MASTL: variants seen among roughly 807,000 people sequenced by gnomAD.
MASTL encodes the protein serine/threonine-protein kinase greatwall.
Under a neutral mutation model 82.5 loss-of-function variants are expected in MASTL, and 54 were observed. The ratio of observed to expected loss-of-function variants is 0.65; its 90% CI spans 0.53 to 0.82. MASTL has a LOEUF of 0.82. MASTL is among the 40% of genes least tolerant of loss of function. The pLI is 0.00. For missense variants in MASTL, 950 were observed against 1,047.8 expected (o/e 0.91, Z 1.29); for synonymous variants, 323 against 368.9 (o/e 0.88, Z 1.43).
chr10:27,170,916 G>A lies in MASTL; in HGVS notation c.1957G>A (p.Val653Ile), dbSNP rs764328815. ...LKTLASKRNA[V>I]AFRSFNSHIN... ...AACGTTAGCCTCTAAAAGAAATGCT[G>A]TTGCTTTTCGAAGTTTTAACAGTCA... Residue 653 changes from valine to isoleucine, a missense_variant, in exon 8 of 12, where the codon GTT becomes ATT. Physicochemically the swap from Val to Ile is conservative, Grantham distance 29. Transcript: ENST00000375940. 22 of 1,614,032 alleles carry A rather than the reference G, an allele frequency of 1.4e-5. No homozygotes were observed. Among genetic ancestry groups the A allele is most frequent in the Non-Finnish European group, 1.8e-5 (21 of 1,180,022 alleles).
At chr10:27,172,637 A>G (rs955230787) in intron 8 of MASTL, among the ~76,000 whole-genome samples, 1 of 152,122 alleles carries the variant, frequency 6.6e-6, no homozygotes. Flanking sequence ...CTGGGCAACA[A>G]GAGCGAAACT....
chr10:27,170,672 A>G lies in MASTL; in HGVS notation c.1713A>G (p.Ser571=), dbSNP rs750526252. The stretch of plus-strand genomic sequence containing the variant: ...AAAATATTTCTATGAACTCTGATTC[A>G]TCTTTTCCTGGAATTTCTATAATGG... The part of the protein sequence containing the change: ...ASKNISMNSD[S]SFPGISIMES... Residue 571 remains serine (S), a synonymous_variant, in exon 8 of 12, where the codon TCA becomes TCG. Transcript: ENST00000375940. 8 of 1,611,984 alleles carry G rather than the reference A, an allele frequency of 5.0e-6. No homozygotes were observed. Among genetic ancestry groups the G allele is most frequent in the Admixed American group, 1.7e-5 (1 of 59,626 alleles).
Position 27,167,224 on chromosome 10 carries a change from A to T in MASTL, c.934A>T (p.Ser312Cys). Residue 312 changes from serine to cysteine, a missense_variant, in exon 7 of 12, where the codon AGT becomes TGT. By Grantham distance (112) the Ser-to-Cys change is moderately radical (BLOSUM62 -1). Transcript: ENST00000375940. ...TAGTCAATCCCACACCTTCATATCC[A>T]GTGTGGAATCAGAATGCCACAGCAG... ...ASSQSHTFIS[S>C]VESECHSSPK... The T allele has an allele frequency of 6.2e-7, 1 of 1,613,972 alleles. No homozygotes were observed. Among genetic ancestry groups the T allele is most frequent in the Non-Finnish European group, 8.5e-7 (1 of 1,179,820 alleles).
intron 1 of MASTL, among the ~76,000 whole-genome samples, chr10:27,156,624 C>G (rs184893595): frequency 6.6e-6 from 1 of 152,076 alleles, no homozygotes; most frequent in African/African-American, 2.4e-5. Flanking sequence ...CTCAGCCTCC[C>G]GAGTAGCTGG....
chr10:27,167,487 AT>A (rs1234932244), intron 7 of MASTL, among the ~76,000 whole-genome samples: 1 of 152,154 alleles, frequency 6.6e-6, no homozygotes, highest in African/African-American at 2.4e-5. Flanking sequence ...TTCTTACTTG[AT>A]TATATAATGA....
In MASTL at chr10:27,159,652, T is replaced by A. The variant is rs781776204; in HGVS notation, c.358T>A (p.Ser120Thr). Reference sequence around the variant, plus strand: ...ATATCTTATTGGGGGAGATGTCAAGTCTCTCCTACATATATATGGTTATTT... The same window carrying A: ...ATATCTTATTGGGGGAGATGTCAAGACTCTCCTACATATATATGGTTATTT... ...MEYLIGGDVKSLLHIYGYFDE... is the reference protein window; with the variant it reads ...MEYLIGGDVKTLLHIYGYFDE... Residue 120 changes from serine (S) to threonine (T), a missense_variant, in exon 3 of 12, where the codon TCT becomes ACT. Physicochemically the swap from Ser to Thr is moderately conservative, Grantham distance 58 (BLOSUM62 1). Transcript: ENST00000375940. The surrounding 1 kb of genome is among the most constrained non-coding windows in gnomAD (Gnocchi z 4.0). 1 of 1,555,398 alleles carries A rather than the reference T, an allele frequency of 6.4e-7. No homozygotes were observed. The highest frequency in any genetic ancestry group is 2.2e-5 in the East Asian group (1 of 44,522).
chr10:27,158,833 T>G, intron 2 of MASTL, 147 bp downstream of exon 2: 1 of 805,192 alleles, frequency 1.2e-6, no homozygotes. Context: ...GTTATATTAG[T>G]TAGAGTTCTC....
intron 9 of MASTL, 45 bp downstream of exon 9, chr10:27,173,304 A>T: frequency 1.2e-6 from 2 of 1,610,232 alleles, no homozygotes; most frequent in South Asian, 2.2e-5. Flanking sequence ...ATCTATCACT[A>T]CATTATCTTT....
upstream of MASTL, chr10:27,154,658 T>TCCCC (rs2057295427): frequency 4.4e-6 from 1 of 224,960 alleles, no homozygotes; most frequent in Non-Finnish European, 8.6e-6. Context: ...CAACCTCTGC[T>TCCCC]CCCCGGGTTC....
chr10:27,172,511 A>G (rs942826991), intron 8 of MASTL, among the ~76,000 whole-genome samples: 1 of 152,114 alleles, frequency 6.6e-6, no homozygotes, highest in Non-Finnish European at 1.5e-5. Flanking sequence ...AAAATTAGCC[A>G]GGCATGGTGG....
chr10:27,183,076 G>A (rs926386005), intron 11 of MASTL, among the ~76,000 whole-genome samples: 5 of 152,022 alleles, frequency 3.3e-5, no homozygotes, highest in African/African-American at 9.7e-5. Context: ...CTAATCTTGC[G>A]AGAGAGATGT....
chr10:27,155,621 T>C lies in MASTL; in HGVS notation c.186+9T>C. 1 of 1,614,058 alleles carries C rather than the reference T, an allele frequency of 6.2e-7. No individual in the cohort carries two copies. Among genetic ancestry groups the C allele is most frequent in the Admixed American group, 1.7e-5 (1 of 60,020 alleles). ...AATTGTATGCAGTAAAGGTAGGAAG[T>C]CAACGAGTAGCAAGGAAGGGGTTAG... is the stretch of plus-strand genomic sequence containing the variant. On this transcript the variant is annotated intron_variant, in intron 1 of 11. Transcript: ENST00000375940.
In MASTL at chr10:27,187,526, C is replaced by G. The variant is rs1002615506; in HGVS notation, c.*990C>G. On this transcript the variant is annotated 3_prime_UTR_variant, in exon 12 of 12. Coordinates refer to ENST00000375940, the MANE Select transcript of MASTL (RefSeq NM_001172303.3). ...CGGCACTTTGGGAGGCTGAGGCAGGCAAGTCGCTTGAGGCCTGGAGTTTGA... is the reference window on the plus strand; with the variant it reads ...CGGCACTTTGGGAGGCTGAGGCAGGGAAGTCGCTTGAGGCCTGGAGTTTGA... Among the ~76,000 whole-genome samples, 3 of 152,104 alleles carry G rather than the reference C, an allele frequency of 2.0e-5. No individual in the cohort carries two copies. The highest frequency in any genetic ancestry group is 7.2e-5 in the African/African-American group (3 of 41,428).
intron 5 of MASTL, 37 bp downstream of exon 5, chr10:27,165,207 C>CT: frequency 6.9e-7 from 1 of 1,443,090 alleles, no homozygotes; most frequent in African/African-American, 1.4e-5. Context: ...TGACATACCC[C>CT]TTCATGATCA....
At chr10:27,157,899 G>A (rs759321093) in intron 1 of MASTL, among the ~76,000 whole-genome samples, 10 of 151,682 alleles carry the variant, frequency 6.6e-5, no homozygotes, top group Non-Finnish European at 2.9e-5. Flanking sequence ...GTTACTCCAC[G>A]CCCAGGTGCT....
At chr10:27,155,166 T>C (rs2057307626), upstream of MASTL, 1 of 526,192 alleles carries the variant, frequency 1.9e-6, no homozygotes, top group Admixed American at 3.2e-5. Flanking sequence ...CCAGAACTGT[T>C]TGTGCCTCCT....
rs1452361666 is a variant in MASTL, at chr10:27,186,551, T to C, written c.*15T>C. 6.2e-6 allele frequency: 10 copies of C among 1,611,102 alleles called. No individual in the cohort carries two copies. Among genetic ancestry groups the C allele is most frequent in the Non-Finnish European group, 8.5e-6 (10 of 1,177,222 alleles). On this transcript the variant is annotated 3_prime_UTR_variant, in exon 12 of 12. Transcript: ENST00000375940. ...TTAGTCTGTAGCACAAAAATTTTCC[T>C]TTTAGTCTAGCCTTGTGTTATAGAA...
chr10:27,163,435 A>G lies in MASTL; in HGVS notation c.554-1629A>G, dbSNP rs531042900. Among the ~76,000 whole-genome samples, 34 of 152,256 alleles carry G rather than the reference A, an allele frequency of 2.2e-4. 1 individual carries two copies. In the South Asian group the frequency reaches 6.4e-3, roughly 29 times the overall value. ...ATTGGAAAATATCACAAATGACAAA[A>G]ATTTTGCATTAAGATAAAATTGTTG... On this transcript the variant is annotated intron_variant, in intron 4 of 11. Transcript: ENST00000375940.
At chr10:27,173,701 C>A (rs972094611) in intron 9 of MASTL, among the ~76,000 whole-genome samples, 11 of 152,104 alleles carry the variant, frequency 7.2e-5, no homozygotes, top group African/African-American at 2.7e-4. Context: ...TGGCCTCAGC[C>A]TCCTGAGTAG....
Sources: allele counts gnomAD v4.1 joint callset (sites outside exome capture counted in the v4.1 genomes callset), GRCh38; gene constraint gnomAD v4.1.1; non-coding constraint Gnocchi (gnomAD v3.1); transcripts MANE v1.5; gene names NCBI Gene and HGNC (gene_info 2026-07-23, HGNC 2026-07-21).